Variants in OPHN1 observed in about 807,000 individuals in gnomAD.
The protein encoded by OPHN1 is oligophrenin-1.
Under a neutral mutation model 60.7 loss-of-function variants are expected in OPHN1, and 11 were observed. The observed-to-expected ratio is 0.18, with a 90% confidence interval of 0.11 to 0.30. The LOEUF (loss-of-function observed/expected upper bound fraction) is 0.30, where lower values mean the gene tolerates loss of function less well. Among genes scored for constraint, OPHN1 ranks in the 10% least tolerant of loss-of-function variants. The pLI, the probability that OPHN1 is intolerant of heterozygous loss-of-function variation, is 1.00. For synonymous variants in OPHN1, 226 were observed against 222.6 expected (o/e 1.02, Z -0.14); for missense variants, 449 against 611.0 (o/e 0.73, Z 2.80).
chrX:68,395,153 C>T (rs1174191247), intron 2 of OPHN1, among the ~76,000 whole-genome samples: 2 of 106,375 alleles, frequency 1.9e-5, no homozygotes, highest in African/African-American at 6.9e-5. Context: ...GATGGGGTTT[C>T]ACCATGTTGG....
At chrX:68,294,278 C>T (rs1345530779) in intron 3 of OPHN1, among the ~76,000 whole-genome samples, 2 of 109,044 alleles carry the variant, frequency 1.8e-5, no homozygotes, top group African/African-American at 6.7e-5. Flanking sequence ...CAAGACCAGC[C>T]GGGCCAACAT....
intron 6 of OPHN1, among the ~76,000 whole-genome samples, chrX:68,226,219 A>G (rs912852793): frequency 4.5e-5 from 5 of 111,760 alleles, no homozygotes; most frequent in Non-Finnish European, 7.5e-5. Flanking sequence ...TCCAAGAAAT[A>G]TGGGACTATG....
chrX:68,056,636 T>C (rs1381902009), intron 21 of OPHN1, among the ~76,000 whole-genome samples: 2 of 111,622 alleles, frequency 1.8e-5, no homozygotes, highest in African/African-American at 3.3e-5. Flanking sequence ...TCTTCTAATA[T>C]ACTTTATACT....
intron 15 of OPHN1, among the ~76,000 whole-genome samples, chrX:68,126,587 G>T (rs751827957): frequency 1.8e-5 from 2 of 110,838 alleles, no homozygotes; most frequent in Non-Finnish European, 3.8e-5. Context: ...TGGGATTACA[G>T]GTGCGTGCCA....
intron 19 of OPHN1, among the ~76,000 whole-genome samples, chrX:68,074,068 AC>A (rs1436083589): frequency 1.8e-5 from 2 of 112,319 alleles, no homozygotes; most frequent in Non-Finnish European, 3.8e-5. Context: ...ATGGAGACCA[AC>A]CTTTTAGCCC....
At chrX:68,171,938 C>A (rs2077393598) in intron 15 of OPHN1, among the ~76,000 whole-genome samples, 1 of 110,982 alleles carries the variant, frequency 9.0e-6, no homozygotes, top group Non-Finnish European at 1.9e-5. Context: ...TCGTAAATAG[C>A]TATAATAAAT....
At chrX:68,377,820 C>A (rs1329912809) in intron 2 of OPHN1, among the ~76,000 whole-genome samples, 3 of 111,673 alleles carry the variant, frequency 2.7e-5, no homozygotes, top group African/African-American at 9.8e-5. Flanking sequence ...TTCCTTAATC[C>A]AGTCTATCAC....
At chrX:68,383,735 C>A (rs765742661) in intron 2 of OPHN1, among the ~76,000 whole-genome samples, 2 of 110,264 alleles carry the variant, frequency 1.8e-5, no homozygotes, top group Admixed American at 1.9e-4. Flanking sequence ...TAGGGATCCC[C>A]AGAGAGCTCC....
chrX:68,306,764 C>A (rs1035320477), intron 2 of OPHN1, among the ~76,000 whole-genome samples: 3 of 111,493 alleles, frequency 2.7e-5, no homozygotes, highest in African/African-American at 9.8e-5. Flanking sequence ...ATTGTGTCAC[C>A]CAGGCTGGAG....
In OPHN1 at chrX:68,222,492, C is replaced by T. The variant is rs370197271; in HGVS notation, c.487-8520G>A. ...GACACATGCACACGTATGTTTATTG[C>T]GGCATTATTCACAATAGCAAAGACT... On this transcript the variant is annotated intron_variant, in intron 6 of 24. Transcript: ENST00000355520. 1.1e-3 allele frequency among the ~76,000 whole-genome samples: 115 copies of T among 101,697 alleles called. 1 individual carries two copies. In the East Asian group the frequency reaches 0.023, roughly 21 times the overall value. 88.3% of individuals were successfully genotyped at this position (101,697 alleles called of 115,157 possible).
At chrX:68,293,462 G>A (rs916276589) in intron 3 of OPHN1, among the ~76,000 whole-genome samples, 1 of 111,886 alleles carries the variant, frequency 8.9e-6, no homozygotes, top group African/African-American at 3.3e-5. Flanking sequence ...CAATCTTCTT[G>A]GTCCACAAAG....
intron 2 of OPHN1, among the ~76,000 whole-genome samples, chrX:68,378,138 T>C (rs1320814393): frequency 1.8e-5 from 2 of 112,219 alleles, no homozygotes; most frequent in Non-Finnish European, 3.8e-5. Flanking sequence ...TGGTGTGAGA[T>C]GGTATCTCAT....
intron 19 of OPHN1, among the ~76,000 whole-genome samples, chrX:68,090,638 C>T (rs2077013956): frequency 9.0e-6 from 1 of 110,618 alleles, no homozygotes; most frequent in Non-Finnish European, 1.9e-5. Flanking sequence ...ACGACATGGG[C>T]TTTTTTCCTG....
At chrX:68,302,764 T>A (rs1011801019) in intron 2 of OPHN1, among the ~76,000 whole-genome samples, 1 of 109,143 alleles carries the variant, frequency 9.2e-6, no homozygotes, top group Admixed American at 9.9e-5. Flanking sequence ...CACAAAAAAA[T>A]TTTCTTTAAA....
At chrX:68,420,783 C>A (rs2065311426) in intron 2 of OPHN1, among the ~76,000 whole-genome samples, 2 of 101,754 alleles carry the variant, frequency 2.0e-5, no homozygotes, top group Admixed American at 2.2e-4. Flanking sequence ...GCATTCTTGG[C>A]AAGATGCATT....
At chrX:68,270,246 C>T (rs1241609604) in intron 5 of OPHN1, among the ~76,000 whole-genome samples, 3 of 110,961 alleles carry the variant, frequency 2.7e-5, no homozygotes, top group South Asian at 3.8e-4. Flanking sequence ...TGGGTATATA[C>T]CCAAAGGATT....
At chrX:68,095,575 T>A (rs2077035356) in intron 19 of OPHN1, among the ~76,000 whole-genome samples, 1 of 111,501 alleles carries the variant, frequency 9.0e-6, no homozygotes, top group South Asian at 3.7e-4. Flanking sequence ...CTTTCCTCTA[T>A]CTCCCTCAAA....
At chrX:68,227,829 C>T (rs760949202) in intron 6 of OPHN1, among the ~76,000 whole-genome samples, 8 of 110,827 alleles carry the variant, frequency 7.2e-5, no homozygotes, top group African/African-American at 2.6e-4. Flanking sequence ...GACACCCTAA[C>T]ATCACAATTA....
At chrX:68,398,215 C>T (rs1349556353) in intron 2 of OPHN1, among the ~76,000 whole-genome samples, 1 of 112,138 alleles carries the variant, frequency 8.9e-6, no homozygotes, top group Non-Finnish European at 1.9e-5. Flanking sequence ...CTCATGACTA[C>T]ATGTGCACTT....
Sources: gnomAD v4.1 joint callset for allele counts (sites outside exome capture counted in the v4.1 genomes callset) on GRCh38, gnomAD v4.1.1 for gene constraint, MANE v1.5 for transcripts, NCBI Gene and HGNC (gene_info 2026-07-23, HGNC 2026-07-21) for gene names.